The following CCDC169 variants were observed in gnomAD, a reference collection of about 807,000 sequenced individuals.
CCDC169 encodes the protein coiled-coil domain containing 169.
A neutral mutation model predicts 36.0 loss-of-function variants in CCDC169; 30 were observed. That is an observed-to-expected ratio of 0.83 (90% CI 0.62 to 1.13). CCDC169 has a LOEUF of 1.13. Among genes scored for constraint, CCDC169 ranks in the 50% most tolerant of loss-of-function variants. The probability of loss-of-function intolerance (pLI) is 0.00; values close to 1 mark genes in which losing one functional copy is unlikely to be tolerated. For synonymous variants in CCDC169, 85 were observed against 81.5 expected (o/e 1.04, Z -0.23); for missense variants, 245 against 245.9 (o/e 1.00, Z 0.03).
At chr13:36,286,285 T>C (rs1312824088) in intron 2 of CCDC169, among the ~76,000 whole-genome samples, 1 of 152,238 alleles carries the variant, frequency 6.6e-6, no homozygotes, top group African/African-American at 2.4e-5. Flanking sequence ...AAGTGACCTC[T>C]GGAGAAGCTG....
chr13:36,232,260 C>CT (rs1485927110), intron 7 of CCDC169, among the ~76,000 whole-genome samples: 1 of 152,152 alleles, frequency 6.6e-6, no homozygotes, highest in East Asian at 1.9e-4. Flanking sequence ...GTTGGAGATC[C>CT]TTTAACACCT....
intron 7 of CCDC169, among the ~76,000 whole-genome samples, chr13:36,232,979 A>G (rs1307802605): frequency 6.6e-6 from 1 of 152,170 alleles, no homozygotes; most frequent in East Asian, 1.9e-4. Flanking sequence ...GGGTATGCAT[A>G]GGACTGTGTG....
intron 6 of CCDC169, 121 bp from the exon 7 acceptor site, chr13:36,248,803 G>C: frequency 2.4e-6 from 2 of 830,926 alleles, no homozygotes; most frequent in Admixed American, 5.1e-5. Context: ...ATGTGTAAGA[G>C]AAGCTGAGAA....
chr13:36,279,974 C>T (rs1013697685), intron 4 of CCDC169: 10 of 151,900 alleles, frequency 6.6e-5, no homozygotes, highest in African/African-American at 2.4e-4. Context: ...TCATGATGTA[C>T]GTAAATAGGC....
At chr13:36,281,656 G>T (rs1488078414) in intron 4 of CCDC169, among the ~76,000 whole-genome samples, 6 of 152,152 alleles carry the variant, frequency 3.9e-5, no homozygotes, top group Non-Finnish European at 8.8e-5. Flanking sequence ...GAGCTCAGGA[G>T]TTCGAGACCA....
chr13:36,250,706 AT>A (rs999211835), intron 6 of CCDC169, among the ~76,000 whole-genome samples: 30 of 152,296 alleles, frequency 2.0e-4, no homozygotes, highest in African/African-American at 6.5e-4. Flanking sequence ...ACAAAAACCT[AT>A]GGGAAGACTG....
intron 2 of CCDC169, among the ~76,000 whole-genome samples, chr13:36,288,590 C>T (rs975822825): frequency 6.6e-6 from 1 of 152,076 alleles, no homozygotes; most frequent in Non-Finnish European, 1.5e-5. Context: ...ATGGTTTCAT[C>T]CAGAAAATCC....
At chr13:36,246,063 C>A (rs1308500161) in intron 7 of CCDC169, among the ~76,000 whole-genome samples, 1 of 152,146 alleles carries the variant, frequency 6.6e-6, no homozygotes, top group Admixed American at 6.5e-5. Flanking sequence ...CTCTACCAAC[C>A]AGCCATTCCT....
chr13:36,223,169 G>A (rs895015860), downstream of CCDC169: 4 of 152,076 alleles, frequency 2.6e-5, no homozygotes, highest in Non-Finnish European at 4.4e-5. Context: ...AACCTATATG[G>A]TATAATCAAC....
At chr13:36,290,290 A>G (rs1402593706) in intron 2 of CCDC169, among the ~76,000 whole-genome samples, 2 of 152,206 alleles carry the variant, frequency 1.3e-5, no homozygotes, top group Non-Finnish European at 2.9e-5. Flanking sequence ...CTAAAATAAT[A>G]TAATTTATTC....
chr13:36,277,936 C>T (rs1877038633), intron 4 of CCDC169, among the ~76,000 whole-genome samples: 1 of 140,932 alleles, frequency 7.1e-6, no homozygotes, highest in Admixed American at 7.3e-5. Context: ...CAGAGCAAGA[C>T]TCCGTCTCAA....
intron 4 of CCDC169, among the ~76,000 whole-genome samples, chr13:36,281,927 T>G (rs374492886): frequency 2.0e-5 from 3 of 152,088 alleles, no homozygotes; most frequent in East Asian, 1.9e-4. Flanking sequence ...AAAAGAGAGA[T>G]AAAATTATAT....
chr13:36,288,631 G>C (rs1372085477), intron 2 of CCDC169, among the ~76,000 whole-genome samples: 2 of 152,086 alleles, frequency 1.3e-5, no homozygotes, highest in East Asian at 1.9e-4. Context: ...AGGATTTCTT[G>C]CTTCCTAAGT....
At chr13:36,272,409 T>A (rs1876209457) in intron 4 of CCDC169, among the ~76,000 whole-genome samples, 1 of 152,190 alleles carries the variant, frequency 6.6e-6, no homozygotes, top group Non-Finnish European at 1.5e-5. Flanking sequence ...ATAAACCTGA[T>A]ACAAAAGTAG....
intron 6 of CCDC169, 121 bp downstream of exon 6, chr13:36,253,682 A>G: frequency 8.3e-6 from 10 of 1,199,278 alleles, no homozygotes; most frequent in Non-Finnish European, 1.0e-5. Context: ...TACCCTCCAT[A>G]TTTAGAAACT....
chr13:36,293,440 T>C (rs1368244097), intron 2 of CCDC169, among the ~76,000 whole-genome samples: 1 of 152,204 alleles, frequency 6.6e-6, no homozygotes. Context: ...ATCCCATGTG[T>C]TGCTCTGTAA....
At chr13:36,283,780 G>A (rs1399544856) in intron 2 of CCDC169, 78 bp from the exon 3 acceptor site, 7 of 1,082,452 alleles carry the variant, frequency 6.5e-6, no homozygotes, top group Non-Finnish European at 9.4e-6. Context: ...TTATGAGCTT[G>A]ATCTTACTCT....
At chr13:36,296,719 C>A (rs1594102272) in intron 1 of CCDC169, among the ~76,000 whole-genome samples, 1 of 152,170 alleles carries the variant, frequency 6.6e-6, no homozygotes, top group African/African-American at 2.4e-5. Context: ...ATAGCGGCAG[C>A]AAAGTTCCAC....
chr13:36,294,678 G>A (rs989290367), intron 2 of CCDC169, among the ~76,000 whole-genome samples: 1 of 152,108 alleles, frequency 6.6e-6, no homozygotes, highest in African/African-American at 2.4e-5. Context: ...TCAAAAAAAT[G>A]AGCTCCCCGA....
Sources: allele counts gnomAD v4.1 joint callset (sites outside exome capture counted in the v4.1 genomes callset), GRCh38; gene constraint gnomAD v4.1.1; transcripts MANE v1.5; gene names NCBI Gene and HGNC (gene_info 2026-07-23, HGNC 2026-07-21).